Variants in TPD52 observed in about 807,000 individuals in gnomAD.
The protein encoded by TPD52 is prostate and colon associated protein.
In TPD52, 17 loss-of-function variants were observed where a neutral mutation model predicts 31.3. That is an observed-to-expected ratio of 0.54 (90% CI 0.37 to 0.82). TPD52 has a LOEUF of 0.82. TPD52 is among the 40% of genes least tolerant of loss of function. TPD52 has a pLI of 0.00. For missense variants in TPD52, 212 were observed against 240.1 expected (o/e 0.88, Z 0.77); for synonymous variants, 83 against 89.6 (o/e 0.93, Z 0.42).
chr8:80,092,518 T>C (rs1167239090), intron 1 of TPD52, among the ~76,000 whole-genome samples: 1 of 152,192 alleles, frequency 6.6e-6, no homozygotes, highest in Non-Finnish European at 1.5e-5. Flanking sequence ...TGATATGGAA[T>C]CAACCTATAT....
At position 80,171,531 on chromosome 8, in the gene TPD52, C is replaced by G. The variant is rs1008059380; in HGVS notation, c.-88G>C. On this transcript the variant is annotated 5_prime_UTR_variant, in exon 1 of 8. Transcript: ENST00000518937. Reference sequence around the variant, plus strand: ...ATCGCCCGCCGCGCCGCGCAGAGCTCCTCCTCGCCTCCGCCGGCGACTCCC... The same window carrying G: ...ATCGCCCGCCGCGCCGCGCAGAGCTGCTCCTCGCCTCCGCCGGCGACTCCC... The G allele has an allele frequency of 1.7e-5, 24 of 1,417,388 alleles. No homozygotes were observed. In the Admixed American group the frequency reaches 5.6e-4, roughly 33 times the overall value. The allele number at this position is 1,417,388 out of a possible 1,614,324, so 87.8% of individuals were successfully genotyped here. A position where few individuals can be genotyped will look rare whatever the true frequency, so the allele number is the denominator to read the frequency against.
chr8:80,126,655 T>A (rs554456849), intron 1 of TPD52, among the ~76,000 whole-genome samples: 1 of 152,066 alleles, frequency 6.6e-6, no homozygotes, highest in African/African-American at 2.4e-5. Flanking sequence ...CCAATTTTTG[T>A]ATTTTTTGGT....
chr8:80,067,662 C>CG (rs1813306492), intron 1 of TPD52, among the ~76,000 whole-genome samples: 1 of 151,950 alleles, frequency 6.6e-6, no homozygotes, highest in Non-Finnish European at 1.5e-5. Flanking sequence ...TAAACCTAGA[C>CG]GGTCTGATGT....
At chr8:80,080,465 G>A (rs192587917) in intron 1 of TPD52, 6 of 1,613,476 alleles carry the variant, frequency 3.7e-6, no homozygotes, top group East Asian at 4.5e-5. Context: ...CCAGACAAAC[G>A]CAGAATGCAT....
chr8:80,089,129 A>T (rs557851114), intron 1 of TPD52, among the ~76,000 whole-genome samples: 1 of 152,216 alleles, frequency 6.6e-6, no homozygotes, highest in African/African-American at 2.4e-5. Context: ...ATTCTATGGT[A>T]TTGTTATTGC....
chr8:80,057,714 T>C (rs1812050366), intron 2 of TPD52, among the ~76,000 whole-genome samples: 1 of 152,204 alleles, frequency 6.6e-6, no homozygotes, highest in Admixed American at 6.5e-5. Flanking sequence ...CCATGTTCAC[T>C]ACTTGGGCAA....
chr8:80,139,624 A>G lies in TPD52; in HGVS notation c.19+31801T>C, dbSNP rs562003708. ...CACAACCATGAAAATAACAAGTAGC[A>G]ATAAACGGGGGGTGGGGGTGAGGGC... is the stretch of plus-strand genomic sequence containing the variant. On this transcript the variant is annotated intron_variant, in intron 1 of 7. Transcript: ENST00000518937. 2.5e-4 allele frequency among the ~76,000 whole-genome samples: 38 copies of G among 151,988 alleles called. No homozygotes were observed. In the South Asian group the frequency reaches 7.9e-3, roughly 32 times the overall value.
intron 1 of TPD52, among the ~76,000 whole-genome samples, chr8:80,142,165 T>C (rs1403554959): frequency 6.6e-6 from 1 of 152,202 alleles, no homozygotes; most frequent in Non-Finnish European, 1.5e-5. Flanking sequence ...AGTGACGTTA[T>C]TCTGTCATGT....
chr8:80,167,584 G>A (rs538980728), intron 1 of TPD52, among the ~76,000 whole-genome samples: 1 of 152,096 alleles, frequency 6.6e-6, no homozygotes, highest in Non-Finnish European at 1.5e-5. Flanking sequence ...TGGATGGGGT[G>A]GGTCACACCC....
chr8:80,161,728 ATATAT>A (rs1300330913), intron 1 of TPD52, among the ~76,000 whole-genome samples: 33 of 122,062 alleles, frequency 2.7e-4, no homozygotes, highest in East Asian at 1.9e-3. Context: ...ATATATATAT[ATATAT>A]TTTTTTTTTT....
At chr8:80,121,039 G>A (rs541730086) in intron 1 of TPD52, among the ~76,000 whole-genome samples, 2 of 150,726 alleles carry the variant, frequency 1.3e-5, no homozygotes, top group South Asian at 2.1e-4. Context: ...CTGAGATCAC[G>A]CCAGTGCACT....
chr8:80,154,350 T>C (rs1810781268), intron 1 of TPD52, among the ~76,000 whole-genome samples: 1 of 152,080 alleles, frequency 6.6e-6, no homozygotes, highest in East Asian at 1.9e-4. Context: ...CAGGTGAGGC[T>C]CTCTGGAGTC....
chr8:80,132,038 T>TC (rs2131088152), intron 1 of TPD52, among the ~76,000 whole-genome samples: 1 of 152,004 alleles, frequency 6.6e-6, no homozygotes, highest in East Asian at 1.9e-4. Context: ...CTTTCTTTTT[T>TC]TTTTTTTGGA....
chr8:80,107,572 TTGTG>T (rs138254271), intron 1 of TPD52, among the ~76,000 whole-genome samples: 13 of 151,930 alleles, frequency 8.6e-5, no homozygotes, highest in African/African-American at 2.4e-4. Flanking sequence ...GTATGAATGT[TTGTG>T]TGTGTGTGTG....
chr8:80,128,492 T>TAAAAAAAAAA (rs1212262647), intron 1 of TPD52, among the ~76,000 whole-genome samples: 3 of 17,428 alleles, frequency 1.7e-4, no homozygotes, highest in African/African-American at 1.1e-3. Flanking sequence ...ACCCTGTCTC[T>TAAAAAAAAAA]ACAAAAAAAA....
chr8:80,104,587 A>C (rs1368149932), intron 1 of TPD52, among the ~76,000 whole-genome samples: 1 of 151,394 alleles, frequency 6.6e-6, no homozygotes, highest in Admixed American at 6.6e-5. Context: ...ACAACAACAA[A>C]AAAAACAGAA....
At chr8:80,072,411 G>T (rs1312415837) in intron 1 of TPD52, among the ~76,000 whole-genome samples, 1 of 137,096 alleles carries the variant, frequency 7.3e-6, no homozygotes, top group African/African-American at 2.8e-5. Context: ...AGATATGCGT[G>T]TATATACATG....
At chr8:80,039,369 C>T (rs901940005) in intron 7 of TPD52, among the ~76,000 whole-genome samples, 5 of 152,158 alleles carry the variant, frequency 3.3e-5, no homozygotes, top group Admixed American at 1.3e-4. Flanking sequence ...CCCAGCCTGA[C>T]ACCTGGGGTT....
At chr8:80,119,440 T>A (rs937180332) in intron 1 of TPD52, among the ~76,000 whole-genome samples, 6 of 152,326 alleles carry the variant, frequency 3.9e-5, no homozygotes, top group South Asian at 2.1e-4. Flanking sequence ...GTTATTTTTT[T>A]AAAAAGCAAA....
Sources: gnomAD v4.1 joint callset for allele counts (sites outside exome capture counted in the v4.1 genomes callset) on GRCh38, gnomAD v4.1.1 for gene constraint, MANE v1.5 for transcripts, NCBI Gene and HGNC (gene_info 2026-07-23, HGNC 2026-07-21) for gene names.